Variants in CHODL observed in about 807,000 individuals in gnomAD.
The protein encoded by CHODL is transmembrane protein MT75.
In CHODL, 29 loss-of-function variants were observed where a neutral mutation model predicts 34.5. That is an observed-to-expected ratio of 0.84 (90% confidence interval 0.63 to 1.15). The LOEUF (loss-of-function observed/expected upper bound fraction) is 1.15, where lower values mean the gene tolerates loss of function less well. Ranked by LOEUF, CHODL falls within the 50% of genes most tolerant of loss-of-function variation. The pLI is 0.00. For missense variants in CHODL, 332 were observed against 332.5 expected, an observed-to-expected ratio of 1.00 and a Z score of 0.01; for synonymous variants, 125 against 116.1, an observed-to-expected ratio of 1.08 and a Z score of -0.49.
At chr21:18,172,433 C>T (rs1451438090) in intron 2 of CHODL, among the ~76,000 whole-genome samples, 1 of 152,114 alleles carries the variant, frequency 6.6e-6, no homozygotes, top group African/African-American at 2.4e-5. Context: ...TCAGTGGCTG[C>T]TAGGCTAGAG....
chr21:18,257,651 T>C (rs1264128797), intron 3 of CHODL, among the ~76,000 whole-genome samples: 1 of 152,122 alleles, frequency 6.6e-6, no homozygotes, highest in East Asian at 1.9e-4. Context: ...TGGAAAAAAG[T>C]AGGAAGATGT....
intron 2 of CHODL, among the ~76,000 whole-genome samples, chr21:18,203,674 C>T (rs1451538698): frequency 6.6e-6 from 1 of 152,024 alleles, no homozygotes; most frequent in Middle Eastern, 3.2e-3. Flanking sequence ...ATTTTGTTCA[C>T]CGAATATATA....
At chr21:17,921,106 T>A (rs536806116) in intron 1 of CHODL, among the ~76,000 whole-genome samples, 10 of 152,276 alleles carry the variant, frequency 6.6e-5, no homozygotes, top group African/African-American at 2.2e-4. Context: ...AGATTTATTA[T>A]AAGAAATTGT....
chr21:18,108,992 A>G lies in CHODL; in HGVS notation c.-45+81021A>G, dbSNP rs369111633. ...ATAGGATTATGACAGACTGACAGCT[A>G]TAAGAGATCCAGAACTTATAGCAGA... On this transcript the variant is annotated intron_variant, in intron 2 of 6. Coordinates refer to the CHODL transcript ENST00000400127. Among the ~76,000 whole-genome samples, 174 of 152,258 alleles carry G rather than the reference A, an allele frequency of 1.1e-3. 5 individuals carry two copies. The highest frequency in any genetic ancestry group is 3.8e-3 in the African/African-American group (158 of 41,542).
chr21:18,222,962 G>C (rs1280782804), intron 2 of CHODL, among the ~76,000 whole-genome samples: 1 of 152,110 alleles, frequency 6.6e-6, no homozygotes, highest in Non-Finnish European at 1.5e-5. Context: ...TTAGAGATAT[G>C]AAACTATTAT....
intron 2 of CHODL, among the ~76,000 whole-genome samples, chr21:18,167,095 GTTTA>G: frequency 6.6e-6 from 1 of 151,922 alleles, no homozygotes; most frequent in Non-Finnish European, 1.5e-5. Context: ...TTAAAAATAT[GTTTA>G]TTTAATCAGA....
At chr21:18,096,014 G>T (rs1226069967) in intron 2 of CHODL, among the ~76,000 whole-genome samples, 1 of 152,164 alleles carries the variant, frequency 6.6e-6, no homozygotes, top group Non-Finnish European at 1.5e-5. Context: ...GGCTGAAGCT[G>T]CAGCAGAAGA....
intron 5 of CHODL, among the ~76,000 whole-genome samples, chr21:18,264,039 C>T (rs1343176615): frequency 2.6e-5 from 4 of 151,846 alleles, no homozygotes; most frequent in Non-Finnish European, 5.9e-5. Context: ...ACAAACCATA[C>T]AATTTGGACA....
intron 1 of CHODL, among the ~76,000 whole-genome samples, chr21:17,928,796 C>A (rs1457769567): frequency 1.3e-5 from 2 of 152,182 alleles, no homozygotes; most frequent in African/African-American, 4.8e-5. Flanking sequence ...GACCAGTTTA[C>A]TTCTTAACTG....
chr21:17,931,185 C>T (rs1447121778), intron 1 of CHODL, among the ~76,000 whole-genome samples: 1 of 152,190 alleles, frequency 6.6e-6, no homozygotes, highest in Non-Finnish European at 1.5e-5. Flanking sequence ...CATGGGTGAG[C>T]TTGGTGTTTC....
rs1277717679 is a variant in CHODL at position 17,955,627 on chromosome 21, A to G, written c.-145+38227A>G. On this transcript the variant is annotated intron_variant, in intron 1 of 6. Coordinates refer to the CHODL transcript ENST00000400127. ...AGCTTATCTTAGAGTTGCCAAATAT[A>G]CCTGAAAATCATATAATGAGTGGAT... 2.2e-5 allele frequency among the ~76,000 whole-genome samples: 3 copies of G among 136,866 alleles called. 1 individual carries two copies. Among genetic ancestry groups the G allele is most frequent in the Non-Finnish European group, 3.3e-5 (2 of 60,232 alleles). 89.8% of individuals were successfully genotyped at this position (136,866 alleles called of 152,430 possible). A position where few individuals can be genotyped will look rare whatever the true frequency, so the allele number is the denominator to read the frequency against.
At chr21:18,049,367 A>G (rs2064485022) in intron 2 of CHODL, among the ~76,000 whole-genome samples, 2 of 152,000 alleles carry the variant, frequency 1.3e-5, no homozygotes, top group Admixed American at 6.6e-5. Flanking sequence ...CTATATAATG[A>G]ACAGATCTGG....
intron 2 of CHODL, among the ~76,000 whole-genome samples, chr21:18,217,042 G>C (rs185058487): frequency 2.0e-5 from 3 of 151,964 alleles, no homozygotes; most frequent in African/African-American, 7.3e-5. Context: ...TTCTTTATTC[G>C]TTAGTCTGTT....
chr21:18,092,590 A>G (rs529957522), intron 2 of CHODL, among the ~76,000 whole-genome samples: 19 of 152,340 alleles, frequency 1.2e-4, no homozygotes, highest in African/African-American at 4.1e-4. Flanking sequence ...CAGAAAATGA[A>G]TTCAGGATTC....
chr21:18,138,646 G>C (rs2072766311), intron 2 of CHODL, among the ~76,000 whole-genome samples: 2 of 152,184 alleles, frequency 1.3e-5, no homozygotes, highest in South Asian at 2.1e-4. Flanking sequence ...TGTAAAGTGA[G>C]AACACATTTA....
At chr21:18,229,297 A>G (rs1601173764) in intron 2 of CHODL, among the ~76,000 whole-genome samples, 1 of 152,266 alleles carries the variant, frequency 6.6e-6, no homozygotes, top group East Asian at 1.9e-4. Context: ...CAAACAACCC[A>G]CAATACTTCA....
intron 2 of CHODL, among the ~76,000 whole-genome samples, chr21:18,093,263 G>T (rs2065096334): frequency 6.6e-6 from 1 of 152,092 alleles, no homozygotes; most frequent in Non-Finnish European, 1.5e-5. Flanking sequence ...CATGAATGAG[G>T]TGTAAAGACC....
chr21:17,937,993 G>T (rs1011370859), intron 1 of CHODL, among the ~76,000 whole-genome samples: 28 of 152,112 alleles, frequency 1.8e-4, no homozygotes, highest in African/African-American at 6.8e-4. Flanking sequence ...TGTTACAATG[G>T]CTTCTGTTCT....
At chr21:18,003,429 AAATAT>A (rs576664062) in intron 1 of CHODL, among the ~76,000 whole-genome samples, 2,184 of 150,122 alleles carry the variant, frequency 0.015, 23 homozygotes, top group Non-Finnish European at 0.021. Context: ...TATTAATCTA[AAATAT>A]AATATTAAAA....
Sources: allele counts gnomAD v4.1 joint callset (sites outside exome capture counted in the v4.1 genomes callset), GRCh38; gene constraint gnomAD v4.1.1; transcripts MANE v1.5; gene names NCBI Gene and HGNC (gene_info 2026-07-23, HGNC 2026-07-21).